TRIM9: variants seen among roughly 807,000 people sequenced by gnomAD.
TRIM9 encodes the protein E3 ubiquitin-protein ligase TRIM9.
In TRIM9, 26 loss-of-function variants were observed where a neutral mutation model predicts 78.3. The observed-to-expected ratio is 0.33, with a 90% CI of 0.24 to 0.46. TRIM9 has a LOEUF of 0.46. Among genes scored for constraint, TRIM9 ranks in the 20% least tolerant of loss-of-function variants. The pLI is 1.00. For missense variants in TRIM9, 787 were observed against 1,036.4 expected, an observed-to-expected ratio of 0.76 and a Z score of 3.30; for synonymous variants, 398 against 416.5, an observed-to-expected ratio of 0.96 and a Z score of 0.54.
At chr14:51,074,968 T>C (rs1019494387) in intron 1 of TRIM9, among the ~76,000 whole-genome samples, 1 of 152,234 alleles carries the variant, frequency 6.6e-6, no homozygotes, top group African/African-American at 2.4e-5. Flanking sequence ...GAATTTAAAG[T>C]GTCTCTTCAC....
In TRIM9 at chr14:51,044,927, C is replaced by T. The variant is rs576108659; in HGVS notation, c.823-19567G>A. Among the ~76,000 whole-genome samples, 5 of 152,220 alleles carry T rather than the reference C, an allele frequency of 3.3e-5. No individual in the cohort carries two copies. The South Asian group carries it at 8.3e-4, about 25-fold the overall frequency. ...TTTAAGAAAGAACAATCCAGGCTAT[C>T]CTAACATCAGCCTAATATTATAGCT... On this transcript the variant is annotated intron_variant, in intron 1 of 12. Coordinates refer to ENST00000684578, the MANE Select transcript of TRIM9 (RefSeq NM_001387360.1).
chr14:51,083,225 T>C (rs1189465153), intron 1 of TRIM9, among the ~76,000 whole-genome samples: 1 of 152,140 alleles, frequency 6.6e-6, no homozygotes, highest in Non-Finnish European at 1.5e-5. Flanking sequence ...GTTTAAGTAG[T>C]TTATTTGAAA....
At position 51,042,771 on chromosome 14, in the gene TRIM9, T is replaced by C. The variant is rs147239004; in HGVS notation, c.823-17411A>G. Among the ~76,000 whole-genome samples the C allele has an allele frequency of 3.3e-3, 503 of 152,300 alleles. 3 individuals are homozygous for C. The highest frequency in any genetic ancestry group is 0.022 in the South Asian group (107 of 4,820). ...TGGAGGAACTGGTGTCCCTTCTTCA[T>C]GAGCTTTGCCAGGACCCCAAGACTA... On this transcript the variant is annotated intron_variant, in intron 1 of 12. Coordinates refer to ENST00000684578, the MANE Select transcript of TRIM9 (RefSeq NM_001387360.1).
chr14:51,057,503 T>A (rs1451791079), intron 1 of TRIM9, among the ~76,000 whole-genome samples: 1 of 152,216 alleles, frequency 6.6e-6, no homozygotes, highest in African/African-American at 2.4e-5. Context: ...TTATATTGTA[T>A]CTGCTAAAAT....
chr14:50,980,838 T>C (rs2051783942), intron 11 of TRIM9, among the ~76,000 whole-genome samples: 1 of 152,234 alleles, frequency 6.6e-6, no homozygotes, highest in African/African-American at 2.4e-5. Flanking sequence ...ATAGAAGCTA[T>C]CCAAGGGAAA....
At chr14:51,074,775 C>T (rs2062607339) in intron 1 of TRIM9, among the ~76,000 whole-genome samples, 2 of 152,200 alleles carry the variant, frequency 1.3e-5, no homozygotes, top group African/African-American at 2.4e-5. Context: ...CTCCACTTAG[C>T]TGTCATTCCA....
chr14:50,988,107 G>T (rs917100089), intron 7 of TRIM9, among the ~76,000 whole-genome samples: 14 of 152,140 alleles, frequency 9.2e-5, no homozygotes, highest in African/African-American at 2.9e-4. Context: ...CGGACTAAAA[G>T]ATTTTTTTAT....
intron 1 of TRIM9, among the ~76,000 whole-genome samples, chr14:51,032,388 G>C (rs1046352811): frequency 3.3e-5 from 5 of 152,210 alleles, no homozygotes; most frequent in South Asian, 4.1e-4. Flanking sequence ...CAGCTGCAGG[G>C]AATATCAGCT....
At chr14:50,996,725 G>T in intron 7 of TRIM9, 1 of 985,412 alleles carries the variant, frequency 1.0e-6, no homozygotes, top group Non-Finnish European at 1.2e-6. Context: ...AAACTGATAG[G>T]TCATCCCTGA....
intron 7 of TRIM9, among the ~76,000 whole-genome samples, chr14:50,995,760 C>T (rs975353275): frequency 3.3e-5 from 5 of 151,122 alleles, no homozygotes; most frequent in African/African-American, 7.3e-5. Flanking sequence ...CCACCACCCC[C>T]AATACCAGCA....
chr14:51,089,979 C>T (rs1156723482), intron 1 of TRIM9: 1 of 152,208 alleles, frequency 6.6e-6, no homozygotes, highest in Non-Finnish European at 1.5e-5. Flanking sequence ...TCCCTTATAT[C>T]TTTGTAGGTG....
intron 1 of TRIM9, among the ~76,000 whole-genome samples, chr14:51,060,471 T>TC (rs1440058985): frequency 6.6e-6 from 1 of 152,056 alleles, no homozygotes; most frequent in Non-Finnish European, 1.5e-5. Flanking sequence ...ATATTCATTC[T>TC]CTTTTTTTTT....
At chr14:51,012,189 C>T (rs1457060411) in intron 3 of TRIM9, among the ~76,000 whole-genome samples, 1 of 152,210 alleles carries the variant, frequency 6.6e-6, no homozygotes, top group African/African-American at 2.4e-5. Context: ...ACTTTTTCAT[C>T]TTCCCAAATT....
intron 3 of TRIM9, among the ~76,000 whole-genome samples, chr14:51,020,158 C>T (rs975388770): frequency 2.0e-5 from 3 of 151,986 alleles, no homozygotes; most frequent in Admixed American, 2.0e-4. Flanking sequence ...GGTTAGCCAA[C>T]AAAGATAGAA....
At chr14:51,088,117 G>T (rs1030638066) in intron 1 of TRIM9, among the ~76,000 whole-genome samples, 4 of 152,124 alleles carry the variant, frequency 2.6e-5, no homozygotes, top group South Asian at 2.1e-4. Flanking sequence ...TTTGCTTTAA[G>T]AATTAATGCA....
chr14:50,981,721 A>C, intron 11 of TRIM9, 79 bp downstream of exon 11: 1 of 1,566,364 alleles, frequency 6.4e-7, no homozygotes. Context: ...TGGTCTATGT[A>C]ATAGGTTTTT....
At chr14:51,086,569 G>A (rs1485242523) in intron 1 of TRIM9, among the ~76,000 whole-genome samples, 4 of 152,204 alleles carry the variant, frequency 2.6e-5, no homozygotes, top group Non-Finnish European at 5.9e-5. Context: ...TACAGAAACG[G>A]AGTAAAAGAA....
chr14:50,988,468 C>T (rs764608782), intron 7 of TRIM9: 1 of 152,102 alleles, frequency 6.6e-6, no homozygotes, highest in East Asian at 1.9e-4. Context: ...TATGGCTCTT[C>T]CTATCCTTCC....
intron 8 of TRIM9, 29 bp from the exon 9 acceptor site, chr14:50,983,450 A>G (rs926348732): frequency 9.3e-6 from 14 of 1,512,790 alleles, no homozygotes; most frequent in Admixed American, 4.1e-5. Context: ...CATCAACGCT[A>G]TGAAACAACA....
Sources: gnomAD v4.1 joint callset for allele counts (sites outside exome capture counted in the v4.1 genomes callset) on GRCh38, gnomAD v4.1.1 for gene constraint, MANE v1.5 for transcripts, NCBI Gene and HGNC (gene_info 2026-07-23, HGNC 2026-07-21) for gene names.